Variants in C7 observed in about 807,000 individuals in gnomAD.
C7 encodes the protein complement component C7.
Under a neutral mutation model 104.8 loss-of-function variants are expected in C7, and 83 were observed. The observed-to-expected ratio is 0.79, with a 90% CI of 0.66 to 0.95. The LOEUF is 0.95. Ranked by LOEUF, C7 falls within the 40% of genes least tolerant of loss-of-function variation. The pLI, the probability that C7 is intolerant of heterozygous loss-of-function variation, is 0.00. For missense variants in C7, 1,070 were observed against 1,011.2 expected, an observed-to-expected ratio of 1.06 and a Z score of -0.79; for synonymous variants, 415 against 360.6, an observed-to-expected ratio of 1.15 and a Z score of -1.71.
intron 9 of C7, chr5:40,954,890 A>AAAAAAT: frequency 3.7e-6 from 1 of 267,300 alleles, no homozygotes; most frequent in East Asian, 1.4e-4. Flanking sequence ...AAAAAAAAAA[A>AAAAAAT]AAAAAAAAAA....
At chr5:40,964,620 G>A (rs1041256270) in intron 13 of C7, 121 bp from the exon 14 acceptor site, 3 of 819,898 alleles carry the variant, frequency 3.7e-6, no homozygotes, top group Non-Finnish European at 1.9e-6. Flanking sequence ...ACACTTTTCT[G>A]AATCAATTAA....
chr5:40,947,400 A>G (rs1000892108), intron 7 of C7, among the ~76,000 whole-genome samples: 4 of 151,980 alleles, frequency 2.6e-5, no homozygotes, highest in Admixed American at 2.0e-4. Context: ...CTCAGATATT[A>G]TTACTATTTG....
Position 40,981,539 on chromosome 5 carries a change from C to T in C7, c.2498C>T (p.Thr833Ile). The T allele has an allele frequency of 1.2e-6, 2 of 1,613,594 alleles. No homozygotes were observed. Among genetic ancestry groups the T allele is most frequent in the South Asian group, 1.1e-5 (1 of 90,972 alleles). The change falls in exon 18 of 18, where the codon ACC (threonine) becomes ATC (isoleucine). Residue 833 changes from threonine (T) to isoleucine (I), a missense_variant. Physicochemically the swap from Thr to Ile is moderately conservative, Grantham distance 89. Coordinates refer to ENST00000313164, the MANE Select transcript of C7 (RefSeq NM_000587.4). ...LRCRGQSISVTSIRPCAAETQ is the reference protein window; with the variant it reads ...LRCRGQSISVISIRPCAAETQ ...TGCAGAGGGCAGAGCATCTCTGTCA[C>T]CAGCATAAGGCCTTGTGCTGCGGAA...
chr5:40,945,247 CT>C lies in C7; in HGVS notation c.619del (p.Tyr207MetfsTer2). ...TATGAATTTTACAATAGTACTTGGT[CT>C]TATGTAAAACATACGTCGACAGAAC... ...FNYEFYNSTW[S>X]YVKHTSTEHT... On this transcript the variant is annotated frameshift_variant, in exon 7 of 18. Transcript: ENST00000313164. LOFTEE classifies it high-confidence loss of function. 6.4e-7 allele frequency: 1 copy of C among 1,562,986 alleles called. No homozygotes were observed. The highest frequency in any genetic ancestry group is 8.7e-7 in the Non-Finnish European group (1 of 1,150,326).
Position 40,949,993 on chromosome 5 carries a change from A to G in C7, c.1072A>G (p.Asn358Asp), listed in dbSNP as rs142435483. ...FSSHGCKELE[N>D]ALKAASGTQN... ...AAGTCATGGATGCAAGGAACTGGAA[A>G]ACGCTTTAAAAGCTGCTTCAGGTAA... The change falls in exon 9 of 18, where the codon AAC becomes GAC. Residue 358 changes from asparagine (N) to aspartate (D), a missense_variant. Physicochemically the swap from Asn to Asp is conservative, Grantham distance 23. Transcript: ENST00000313164. The G allele has an allele frequency of 1.0e-5, 16 of 1,593,002 alleles. No individual in the cohort carries two copies. The highest frequency in any genetic ancestry group is 1.3e-5 in the African/African-American group (1 of 74,654).
At chr5:40,968,596 ATATATTTTTTTTTTTTTTTT>A (rs1561257514) in intron 14 of C7, among the ~76,000 whole-genome samples, 111 of 23,330 alleles carry the variant, frequency 4.8e-3, no homozygotes, top group African/African-American at 0.02. Flanking sequence ...ATATATATAT[ATATATTTTTTTTTTTTTTTT>A]TTTTTTTTTT....
chr5:40,958,292 T>C (rs1290792576), intron 11 of C7, 31 bp downstream of exon 11: 1 of 1,373,132 alleles, frequency 7.3e-7, no homozygotes, highest in South Asian at 1.5e-5. Context: ...CTAGCCACCC[T>C]GTACACATTG....
At chr5:40,920,094 A>T (rs1052944995) in intron 1 of C7, among the ~76,000 whole-genome samples, 7 of 151,972 alleles carry the variant, frequency 4.6e-5, no homozygotes, top group African/African-American at 7.2e-5. Flanking sequence ...AGATTAATTT[A>T]AAAAAAAGAA....
In C7 at chr5:40,937,474, CT is replaced by C. The variant is rs1014307907; in HGVS notation, c.429-72del. ...AGAATTTGTAGAGTTCTGTAATAAACTTTTTTCCCCACCAAGTGCTATTTCT... is the reference window on the plus strand; with the variant it reads ...AGAATTTGTAGAGTTCTGTAATAAACTTTTTCCCCACCAAGTGCTATTTCT... On this transcript the variant is annotated intron_variant, in intron 5 of 17. Coordinates refer to ENST00000313164, the MANE Select transcript of C7 (RefSeq NM_000587.4). The C allele has an allele frequency of 2.7e-6, 4 of 1,468,972 alleles. No individual in the cohort carries two copies. In the African/African-American group the frequency reaches 4.2e-5, roughly 16 times the overall value. The allele number at this position is 1,468,972 out of a possible 1,614,324, so 91.0% of individuals were successfully genotyped here.
chr5:40,938,086 C>A (rs1003384477), intron 6 of C7, among the ~76,000 whole-genome samples: 1 of 152,046 alleles, frequency 6.6e-6, no homozygotes, highest in Non-Finnish European at 1.5e-5. Context: ...TTCATATATA[C>A]AAAAGGGTGT....
At chr5:40,964,020 CTTTTTT>C (rs869250524) in intron 13 of C7, among the ~76,000 whole-genome samples, 436 of 39,752 alleles carry the variant, frequency 0.011, 1 homozygote, top group African/African-American at 0.024. Flanking sequence ...GCTCATAATA[CTTTTTT>C]TTTTTTTTTT....
chr5:40,938,954 G>A (rs1379734468), intron 6 of C7, among the ~76,000 whole-genome samples: 3 of 152,148 alleles, frequency 2.0e-5, no homozygotes, highest in East Asian at 1.9e-4. Context: ...TCAACACAAC[G>A]AAATTTCTGG....
chr5:40,935,546 G>T (rs563293876), intron 4 of C7, among the ~76,000 whole-genome samples: 1 of 152,310 alleles, frequency 6.6e-6, no homozygotes, highest in South Asian at 2.1e-4. Flanking sequence ...ATTCTTGAAG[G>T]ACAAGTAAGA....
chr5:40,959,521 G>A lies in C7; in HGVS notation c.1562G>A (p.Arg521His), dbSNP rs144118466. 1.1e-4 allele frequency: 177 copies of A among 1,611,656 alleles called. No homozygotes were observed. In the East Asian group the frequency reaches 1.2e-3, roughly 11 times the overall value. The change falls in exon 12 of 18, where the codon CGT (arginine) becomes CAT (histidine). Residue 521 changes from arginine (R) to histidine (H), a missense_variant. Arg to His is a conservative substitution (Grantham distance 29, BLOSUM62 0). Transcript: ENST00000313164. ...PCVQGKKTRS[R>H]ECNNPPPSGG... The stretch of plus-strand genomic sequence containing the variant: ...GTCCAAGGGAAGAAAACAAGAAGCC[G>A]TGAATGCAATAACCCACCTCCCAGT...
intron 1 of C7, among the ~76,000 whole-genome samples, chr5:40,917,298 C>T (rs1354281942): frequency 2.6e-5 from 4 of 152,134 alleles, no homozygotes; most frequent in Admixed American, 2.6e-4. Context: ...CCCTTGGTAA[C>T]CATTTTACTC....
intron 12 of C7, among the ~76,000 whole-genome samples, chr5:40,961,473 C>T (rs1740419665): frequency 6.6e-6 from 1 of 152,048 alleles, no homozygotes; most frequent in Admixed American, 6.5e-5. Flanking sequence ...CAATCTCCGC[C>T]TCCCAAGCTC....
chr5:40,918,949 G>GACACACACAC (rs138558983), intron 1 of C7, among the ~76,000 whole-genome samples: 3,512 of 138,332 alleles, frequency 0.025, 90 homozygotes, highest in African/African-American at 0.053. Flanking sequence ...GAATCTAACA[G>GACACACACAC]ACACACACAC....
chr5:40,980,266 C>G (rs766689794), intron 17 of C7: 2 of 166,806 alleles, frequency 1.2e-5, no homozygotes. Context: ...TATATCATGT[C>G]CTTAAAAGGA....
In C7 at chr5:40,909,623, C is replaced by A; in HGVS notation, c.6+7C>A. 3 of 1,533,530 alleles carry A rather than the reference C, an allele frequency of 2.0e-6. No individual in the cohort carries two copies. The highest frequency in any genetic ancestry group is 1.3e-5 in the South Asian group (1 of 79,372). The allele number at this position is 1,533,530 out of a possible 1,614,324, so 95.0% of individuals were successfully genotyped here. On this transcript the variant is annotated splice_region_variant and intron_variant, in intron 1 of 17. Transcript: ENST00000313164. ...TGTTTTCCCAAACATGAAGGTAAGA[C>A]AATAAATTCATTACTTTTGTAAATG...
Sources: allele counts gnomAD v4.1 joint callset (sites outside exome capture counted in the v4.1 genomes callset), GRCh38; gene constraint gnomAD v4.1.1; transcripts MANE v1.5; gene names NCBI Gene and HGNC (gene_info 2026-07-23, HGNC 2026-07-21).